Variants in TFB1M observed in about 807,000 individuals in gnomAD.
TFB1M encodes transcription factor B1, mitochondrial, also known as dimethyladenosine transferase 1, mitochondrial.
A neutral mutation model predicts 31.1 loss-of-function variants in TFB1M; 27 were observed. The ratio of observed to expected loss-of-function variants is 0.87; its 90% CI spans 0.64 to 1.20. TFB1M has a LOEUF of 1.20. Among genes scored for constraint, TFB1M ranks in the 50% most tolerant of loss-of-function variants. TFB1M has a pLI of 0.00. For synonymous variants in TFB1M, 166 were observed against 151.8 expected, an observed-to-expected ratio of 1.09 and a Z score of -0.69; for missense variants, 394 against 418.7, an observed-to-expected ratio of 0.94 and a Z score of 0.51.
intron 1 of TFB1M, 59 bp downstream of exon 1, chr6:155,314,237 C>G: frequency 6.3e-7 from 1 of 1,599,686 alleles, no homozygotes; most frequent in South Asian, 1.1e-5. Flanking sequence ...CAAGACCCCC[C>G]GGCCCACGCC....
At chr6:155,240,527 C>G in the TFB1M span, 1 of 1,602,296 alleles carries the variant, frequency 6.2e-7, no homozygotes, top group Non-Finnish European at 8.5e-7. Flanking sequence ...TGTCCTCTCT[C>G]AGAGTGCTGA....
chr6:155,256,916 C>T lies in TFB1M; in HGVS notation c.*920G>A. On this transcript the variant is annotated 3_prime_UTR_variant, in exon 7 of 7. Transcript: ENST00000367166. ...AAACTGGTCCGGGGGCACTTCTGCC[C>T]CATTAAACGAAAAGCCAACAGCACC... is the stretch of plus-strand genomic sequence containing the variant. 6.2e-7 allele frequency: 1 copy of T among 1,614,132 alleles called. No individual in the cohort carries two copies. The highest frequency in any genetic ancestry group is 1.7e-5 in the Admixed American group (1 of 60,020).
the TFB1M span, chr6:155,250,869 C>G: frequency 6.3e-7 from 1 of 1,580,946 alleles, no homozygotes; most frequent in Non-Finnish European, 8.7e-7. Context: ...ATCATCTAGC[C>G]TGGGATTTCC....
chr6:155,314,075 T>C (rs1778137052), intron 1 of TFB1M: 1 of 1,436,010 alleles, frequency 7.0e-7, no homozygotes, highest in Non-Finnish European at 9.1e-7. Flanking sequence ...GCCGGCAGGC[T>C]ACACCCCCCC....
chr6:155,231,137 C>T, the TFB1M span, among the ~76,000 whole-genome samples: 5 of 152,194 alleles, frequency 3.3e-5, no homozygotes, highest in African/African-American at 1.2e-4. Context: ...CCACTGCACC[C>T]GGCCCTACTT....
intron 4 of TFB1M, among the ~76,000 whole-genome samples, chr6:155,292,825 G>A (rs1776994607): frequency 6.6e-6 from 1 of 152,068 alleles, no homozygotes; most frequent in Admixed American, 6.5e-5. Context: ...TCTTAAAACA[G>A]CTACTTATTT....
intron 2 of TFB1M, 119 bp downstream of exon 2, chr6:155,311,069 G>A (rs930076805): frequency 9.1e-7 from 1 of 1,102,258 alleles, no homozygotes. Flanking sequence ...TGGGGCCTTG[G>A]GGATCTATAG....
downstream of TFB1M, chr6:155,252,865 C>G (rs572058142): frequency 4.5e-5 from 58 of 1,286,902 alleles, no homozygotes; most frequent in South Asian, 7.2e-4. Context: ...ACAGGGAGAA[C>G]ATAAACTTCT....
the TFB1M span, among the ~76,000 whole-genome samples, chr6:155,230,649 A>G: frequency 0.59 from 89,031 of 151,928 alleles, 27,506 homozygotes; most frequent in Middle Eastern, 0.74. Flanking sequence ...AAAATTGTAA[A>G]AATTCAACCG....
At chr6:155,253,002 C>T (rs754021821), downstream of TFB1M, 20 of 1,614,036 alleles carry the variant, frequency 1.2e-5, no homozygotes, top group African/African-American at 6.7e-5. Context: ...ATTTAAATTC[C>T]GCTGGTTGAT....
Position 155,260,354 on chromosome 6 carries a change from A to G in TFB1M, c.713T>C (p.Ile238Thr), listed in dbSNP as rs2114664074. 6.2e-7 allele frequency: 1 copy of G among 1,614,230 alleles called. No homozygotes were observed. The highest frequency in any genetic ancestry group is 8.5e-7 in the Non-Finnish European group (1 of 1,180,038). Residue 238 changes from isoleucine (I) to threonine (T), a missense_variant, in exon 6 of 7, where the codon ATA (isoleucine) becomes ACA (threonine). Coordinates refer to ENST00000367166, the MANE Select transcript of TFB1M (RefSeq NM_016020.4). ...TTCCACCAGCTTGAATGGCTGCTCT[A>G]TCTTGGGCTGTATCAAGGGAGTGAA... ...VHFTPLIQPK[I>T]EQPFKLVEKV...
At chr6:155,263,405 A>G (rs573040425) in intron 5 of TFB1M, among the ~76,000 whole-genome samples, 2 of 152,344 alleles carry the variant, frequency 1.3e-5, no homozygotes, top group East Asian at 3.9e-4. Context: ...GTATACCAAA[A>G]TGACCTACTA....
downstream of TFB1M, chr6:155,253,014 C>G (rs868699764): frequency 6.8e-6 from 11 of 1,614,014 alleles, no homozygotes; most frequent in Admixed American, 8.3e-5. Flanking sequence ...CTGGTTGATC[C>G]CCATCTCCGC....
chr6:155,263,191 CT>C (rs924658094), intron 5 of TFB1M, among the ~76,000 whole-genome samples: 3 of 152,138 alleles, frequency 2.0e-5, no homozygotes, highest in Non-Finnish European at 4.4e-5. Flanking sequence ...AGGAAAGCTG[CT>C]TGGTAACTAT....
intron 5 of TFB1M, among the ~76,000 whole-genome samples, chr6:155,280,809 C>T (rs1369990310): frequency 6.6e-6 from 1 of 152,232 alleles, no homozygotes; most frequent in Non-Finnish European, 1.5e-5. Flanking sequence ...TCAAGACTAT[C>T]TCCCACAGAG....
downstream of TFB1M, chr6:155,254,293 G>A: frequency 7.7e-7 from 1 of 1,291,230 alleles, no homozygotes; most frequent in Non-Finnish European, 1.1e-6. Context: ...ACATGGCACT[G>A]CTGCTGGGTG....
chr6:155,292,617 A>T (rs1385205580), intron 4 of TFB1M, among the ~76,000 whole-genome samples: 1 of 152,074 alleles, frequency 6.6e-6, no homozygotes, highest in East Asian at 1.9e-4. Flanking sequence ...GTCACAACAA[A>T]CCCAACACTC....
intron 2 of TFB1M, among the ~76,000 whole-genome samples, chr6:155,309,481 T>C (rs562195667): frequency 1.3e-5 from 2 of 152,220 alleles, no homozygotes; most frequent in South Asian, 2.1e-4. Flanking sequence ...CAGTGACTTA[T>C]GGGTTTGGGG....
chr6:155,250,134 TATC>T, the TFB1M span, among the ~76,000 whole-genome samples: 4 of 152,294 alleles, frequency 2.6e-5, no homozygotes, highest in South Asian at 4.1e-4. Context: ...CATATAGACA[TATC>T]ATAAAATTCA....
Sources: gnomAD v4.1 joint callset for allele counts (sites outside exome capture counted in the v4.1 genomes callset) on GRCh38, gnomAD v4.1.1 for gene constraint, MANE v1.5 for transcripts, NCBI Gene and HGNC (gene_info 2026-07-23, HGNC 2026-07-21) for gene names.